MON2: variants seen among roughly 807,000 people sequenced by gnomAD.
MON2 encodes the protein protein MON2 homolog.
A neutral mutation model predicts 208.6 loss-of-function variants in MON2; 84 were observed. That is an observed-to-expected ratio of 0.40 (90% CI 0.34 to 0.48). The LOEUF (loss-of-function observed/expected upper bound fraction) is 0.48, where lower values mean the gene tolerates loss of function less well. MON2 is among the 20% of genes least tolerant of loss of function. The pLI, the probability that MON2 is intolerant of heterozygous loss-of-function variation, is 0.59. For synonymous variants in MON2, 660 were observed against 694.0 expected, an observed-to-expected ratio of 0.95 and a Z score of 0.77; for missense variants, 1,611 against 2,015.4, an observed-to-expected ratio of 0.80 and a Z score of 3.84.
At chr12:62,556,239 G>T in intron 25 of MON2, 47 bp downstream of exon 25, 1 of 1,539,052 alleles carries the variant, frequency 6.5e-7, no homozygotes. Flanking sequence ...AATGTTAAAA[G>T]AAATTTGGAA....
At chr12:62,528,566 G>A (rs1374477031) in intron 11 of MON2, among the ~76,000 whole-genome samples, 2 of 152,012 alleles carry the variant, frequency 1.3e-5, no homozygotes, top group African/African-American at 4.8e-5. Context: ...TTTTCTTTTA[G>A]GTTTATGGTA....
intron 7 of MON2, among the ~76,000 whole-genome samples, chr12:62,503,910 T>C (rs2070967256): frequency 6.6e-6 from 1 of 152,160 alleles, no homozygotes. Context: ...AGCACCATTA[T>C]CTTTCTTATC....
At chr12:62,467,345 GGCA>G (rs1485145729) in intron 1 of MON2, 27 bp downstream of exon 1, 1 of 1,579,798 alleles carries the variant, frequency 6.3e-7, no homozygotes, top group African/African-American at 1.3e-5. Flanking sequence ...GTCAGGAGAA[GGCA>G]CTGTGAGCAT....
intron 30 of MON2, among the ~76,000 whole-genome samples, chr12:62,578,107 G>A (rs563289082): frequency 6.6e-6 from 1 of 152,104 alleles, no homozygotes. Context: ...AGTGAATTCA[G>A]GTAACACCAC....
At chr12:62,473,883 A>ACTGTGCCCGGC (rs1247831002) in intron 1 of MON2, among the ~76,000 whole-genome samples, 16 of 151,652 alleles carry the variant, frequency 1.1e-4, no homozygotes, top group Non-Finnish European at 1.6e-4. Context: ...CCTTTTCTTT[A>ACTGTGCCCGGC]CATACAAGTG....
intron 4 of MON2, 128 bp downstream of exon 4, chr12:62,495,275 AT>A: frequency 9.2e-6 from 7 of 760,840 alleles, no homozygotes; most frequent in African/African-American, 1.8e-5. Flanking sequence ...GATGATTGAC[AT>A]TGCATGTTAA....
At chr12:62,551,729 A>T (rs1053220891) in intron 23 of MON2, among the ~76,000 whole-genome samples, 11 of 152,250 alleles carry the variant, frequency 7.2e-5, no homozygotes. Flanking sequence ...CTGTAATGAA[A>T]TCTTAGAGAA....
At chr12:62,481,727 G>GAAATTAATA (rs1220119617) in intron 1 of MON2, among the ~76,000 whole-genome samples, 1 of 151,904 alleles carries the variant, frequency 6.6e-6, no homozygotes, top group African/African-American at 2.4e-5. Context: ...ATTTAATTTG[G>GAAATTAATA]GACCTTTCCA....
At chr12:62,489,192 T>G (rs2069967283) in intron 2 of MON2, among the ~76,000 whole-genome samples, 1 of 152,106 alleles carries the variant, frequency 6.6e-6, no homozygotes, top group African/African-American at 2.4e-5. Flanking sequence ...GTTACCATAC[T>G]GCTTTCCAAA....
chr12:62,553,319 T>C (rs2073828066), intron 24 of MON2, 145 bp downstream of exon 24: 1 of 727,128 alleles, frequency 1.4e-6, no homozygotes, highest in Non-Finnish European at 2.2e-6. Context: ...CTGTGTCATA[T>C]TGTAAATTGT....
chr12:62,546,225 C>T (rs547614857), intron 21 of MON2, among the ~76,000 whole-genome samples: 1 of 152,102 alleles, frequency 6.6e-6, no homozygotes, highest in Non-Finnish European at 1.5e-5. Context: ...AATGAAAGGT[C>T]ATTTTAGAGA....
intron 1 of MON2, chr12:62,482,446 A>G (rs898152679): frequency 2.0e-5 from 3 of 152,244 alleles, no homozygotes; most frequent in African/African-American, 7.2e-5. Context: ...TTAAACCTTT[A>G]GAGACTGCTA....
chr12:62,477,687 A>T (rs2069171837), intron 1 of MON2, among the ~76,000 whole-genome samples: 1 of 151,280 alleles, frequency 6.6e-6, no homozygotes, highest in Non-Finnish European at 1.5e-5. Context: ...AAGTGCTGGG[A>T]TTACAGGCGT....
chr12:62,511,810 G>A (rs1334069215), intron 8 of MON2, among the ~76,000 whole-genome samples: 2 of 152,182 alleles, frequency 1.3e-5, no homozygotes, highest in Non-Finnish European at 2.9e-5. Flanking sequence ...AAAGAAGCCA[G>A]CAGAGTTGTA....
chr12:62,472,446 G>A (rs1565948750), intron 1 of MON2, among the ~76,000 whole-genome samples: 1 of 152,106 alleles, frequency 6.6e-6, no homozygotes, highest in African/African-American at 2.4e-5. Context: ...AATCAGTAAG[G>A]GTATAAATAA....
At chr12:62,587,998 C>T in intron 33 of MON2, 76 bp from the exon 34 acceptor site, 1 of 887,920 alleles carries the variant, frequency 1.1e-6, no homozygotes, top group Non-Finnish European at 1.8e-6. Context: ...TCTATTTGTA[C>T]AAACTTAGTT....
At chr12:62,525,037 A>G in intron 9 of MON2, 47 bp from the exon 10 acceptor site, 2 of 1,496,636 alleles carry the variant, frequency 1.3e-6, no homozygotes, top group Non-Finnish European at 9.2e-7. Context: ...TACAGTTTTT[A>G]ATATATTCAA....
intron 11 of MON2, among the ~76,000 whole-genome samples, chr12:62,528,649 A>G (rs76934410): frequency 0.041 from 6,300 of 152,230 alleles, 458 homozygotes; most frequent in African/African-American, 0.14. Context: ...GAATTGGAGA[A>G]TTGGAGTTTC....
At chr12:62,560,222 T>C in intron 25 of MON2, 2 of 282,856 alleles carry the variant, frequency 7.1e-6, no homozygotes, top group Non-Finnish European at 1.3e-5. Flanking sequence ...TACCTGAGTT[T>C]TGTTTTTAAG....
Sources: allele counts gnomAD v4.1 joint callset (sites outside exome capture counted in the v4.1 genomes callset), GRCh38; gene constraint gnomAD v4.1.1; transcripts MANE v1.5; gene names NCBI Gene and HGNC (gene_info 2026-07-23, HGNC 2026-07-21).